The following DSCAML1 variants were observed in gnomAD, a reference collection of about 807,000 sequenced individuals.
DSCAML1 encodes the protein cell adhesion molecule DSCAML1.
Under a neutral mutation model 200.5 loss-of-function variants are expected in DSCAML1, and 38 were observed. The observed-to-expected ratio is 0.19, with a 90% CI of 0.15 to 0.25. The LOEUF is 0.25. Among genes scored for constraint, DSCAML1 ranks in the 10% least tolerant of loss-of-function variants. The probability of loss-of-function intolerance (pLI) is 1.00; values close to 1 mark genes in which losing one functional copy is unlikely to be tolerated. For synonymous variants in DSCAML1, 1,215 were observed against 1,165.0 expected (o/e 1.04, Z -0.87); for missense variants, 2,223 against 2,858.8 (o/e 0.78, Z 5.07).
In DSCAML1 at chr11:117,776,777, G is replaced by C; in HGVS notation, c.511+14C>G. 1 of 1,613,896 alleles carries C rather than the reference G, an allele frequency of 6.2e-7. No individual in the cohort carries two copies. The highest frequency in any genetic ancestry group is 8.5e-7 in the Non-Finnish European group (1 of 1,179,936). On this transcript the variant is annotated intron_variant, in intron 3 of 32. Coordinates refer to ENST00000651296, the MANE Select transcript of DSCAML1 (RefSeq NM_020693.4). ...GAGCACCTCTGTCTGCCGCAGCCCC[G>C]GGACGCTTCTTACCTGGGATGATGG...
intron 8 of DSCAML1, among the ~76,000 whole-genome samples, chr11:117,515,610 CTTTTTTT>C (rs56765238): frequency 1.1e-4 from 7 of 65,122 alleles, no homozygotes; most frequent in East Asian, 3.5e-4. Flanking sequence ...AGGGACGAAG[CTTTTTTT>C]TTTTTTTTTT....
At chr11:117,559,092 T>C (rs2050611131) in intron 3 of DSCAML1, among the ~76,000 whole-genome samples, 1 of 149,288 alleles carries the variant, frequency 6.7e-6, no homozygotes, top group Non-Finnish European at 1.5e-5. Context: ...GTGGTCTCCT[T>C]CCATATATGG....
chr11:117,737,498 A>G (rs749154471), intron 3 of DSCAML1, among the ~76,000 whole-genome samples: 1 of 152,238 alleles, frequency 6.6e-6, no homozygotes, highest in Non-Finnish European at 1.5e-5. Context: ...AATGCTGTCC[A>G]AGACCGGGAC....
chr11:117,724,125 T>C (rs1470484498), intron 3 of DSCAML1, among the ~76,000 whole-genome samples: 1 of 152,114 alleles, frequency 6.6e-6, no homozygotes, highest in African/African-American at 2.4e-5. Context: ...TTTTTCCCCC[T>C]CCTGTCTCAC....
At chr11:117,430,201 G>C (rs188003750) in intron 32 of DSCAML1, among the ~76,000 whole-genome samples, 5 of 152,336 alleles carry the variant, frequency 3.3e-5, no homozygotes, top group African/African-American at 1.2e-4. Context: ...TTCCCAGCCA[G>C]GCCAGGTCAC....
intron 3 of DSCAML1, among the ~76,000 whole-genome samples, chr11:117,740,769 G>T (rs1482453449): frequency 6.6e-6 from 1 of 152,254 alleles, no homozygotes; most frequent in African/African-American, 2.4e-5. Context: ...CATATTTATT[G>T]TTCAAGAAAT....
chr11:117,683,125 T>G (rs1206393546), intron 3 of DSCAML1, among the ~76,000 whole-genome samples: 3 of 152,226 alleles, frequency 2.0e-5, no homozygotes, highest in Non-Finnish European at 4.4e-5. Flanking sequence ...CTGTTATTTA[T>G]TTGTTTGACT....
intron 3 of DSCAML1, among the ~76,000 whole-genome samples, chr11:117,581,462 C>T (rs1447129047): frequency 2.6e-5 from 4 of 152,170 alleles, no homozygotes; most frequent in Non-Finnish European, 2.9e-5. Flanking sequence ...GGCCCCTCTC[C>T]CCAACCCCAG....
At chr11:117,576,988 T>C (rs866942191) in intron 3 of DSCAML1, among the ~76,000 whole-genome samples, 1 of 152,226 alleles carries the variant, frequency 6.6e-6, no homozygotes, top group East Asian at 1.9e-4. Flanking sequence ...GAATCCTTGA[T>C]TGAGAATTTA....
intron 3 of DSCAML1, among the ~76,000 whole-genome samples, chr11:117,687,163 G>A (rs980076277): frequency 2.6e-5 from 4 of 152,198 alleles, no homozygotes; most frequent in South Asian, 4.1e-4. Context: ...AGGCCAGAGC[G>A]GGAGGAGGCA....
intron 3 of DSCAML1, among the ~76,000 whole-genome samples, chr11:117,750,712 A>G (rs1418344896): frequency 6.6e-6 from 1 of 152,234 alleles, no homozygotes; most frequent in Non-Finnish European, 1.5e-5. Flanking sequence ...AGACTGGTTC[A>G]GATCAGAAGG....
intron 3 of DSCAML1, among the ~76,000 whole-genome samples, chr11:117,693,688 A>G (rs970823322): frequency 6.6e-6 from 1 of 152,174 alleles, no homozygotes; most frequent in African/African-American, 2.4e-5. Context: ...AAAGAAAAAC[A>G]GGCTTTTGGG....
At chr11:117,776,644 A>C in intron 3 of DSCAML1, 147 bp downstream of exon 3, 1 of 990,602 alleles carries the variant, frequency 1.0e-6, no homozygotes, top group Non-Finnish European at 1.5e-6. Flanking sequence ...TTTTTTGGCC[A>C]AAGCTTCACC....
chr11:117,600,923 C>T (rs968790396), intron 3 of DSCAML1, among the ~76,000 whole-genome samples: 1 of 152,160 alleles, frequency 6.6e-6, no homozygotes, highest in Admixed American at 6.5e-5. Context: ...CCCAACTGTG[C>T]TTGGGCACTG....
intron 3 of DSCAML1, among the ~76,000 whole-genome samples, chr11:117,736,988 G>A (rs1367910679): frequency 6.6e-6 from 1 of 152,174 alleles, no homozygotes. Flanking sequence ...GGGGGCAAAC[G>A]AGACCACATT....
intron 19 of DSCAML1, among the ~76,000 whole-genome samples, chr11:117,451,598 C>T (rs1592598118): frequency 6.6e-6 from 1 of 152,138 alleles, no homozygotes; most frequent in East Asian, 1.9e-4. Flanking sequence ...CCAAGGCGGG[C>T]GGATCCCCCG....
intron 3 of DSCAML1, among the ~76,000 whole-genome samples, chr11:117,589,285 C>CG (rs1161362111): frequency 2.0e-5 from 3 of 152,190 alleles, no homozygotes; most frequent in Non-Finnish European, 4.4e-5. Flanking sequence ...CGGTTGGATT[C>CG]GATGCACGGG....
rs56805170 is a variant in DSCAML1, at chr11:117,486,911, C to CTTTTTTTTTTT, written c.2360-4760_2360-4750dup. On this transcript the variant is annotated intron_variant, in intron 11 of 32. Transcript: ENST00000651296. ...GAAAAAAAAAAAGAATGTAAAATAC[C>CTTTTTTTTTTT]TTTTTTTTTTTTTTTTTTTTTTTTT... 1.1e-3 allele frequency among the ~76,000 whole-genome samples: 86 copies of CTTTTTTTTTTT among 79,666 alleles called. 5 individuals carry two copies. The highest frequency in any genetic ancestry group is 2.0e-3 in the African/African-American group (38 of 19,134). 52.3% of individuals were successfully genotyped at this position (79,666 alleles called of 152,430 possible). A position where few individuals can be genotyped will look rare whatever the true frequency, so the allele number is the denominator to read the frequency against.
At chr11:117,805,434 A>T (rs2055700536) in intron 1 of DSCAML1, among the ~76,000 whole-genome samples, 1 of 152,256 alleles carries the variant, frequency 6.6e-6, no homozygotes, top group African/African-American at 2.4e-5. Context: ...GCATTTCACA[A>T]GTGTTTCATG....
Sources: allele counts gnomAD v4.1 joint callset (sites outside exome capture counted in the v4.1 genomes callset), GRCh38; gene constraint gnomAD v4.1.1; transcripts MANE v1.5; gene names NCBI Gene and HGNC (gene_info 2026-07-23, HGNC 2026-07-21).